TMX2: variants seen among roughly 807,000 people sequenced by gnomAD.
TMX2 encodes the protein thioredoxin related transmembrane protein 2.
In TMX2, 20 loss-of-function variants were observed where a neutral mutation model predicts 33.4. The ratio of observed to expected loss-of-function variants is 0.60; its 90% CI spans 0.42 to 0.87. The LOEUF (loss-of-function observed/expected upper bound fraction) is 0.87, where lower values mean the gene tolerates loss of function less well. TMX2 is among the 40% of genes least tolerant of loss of function. The probability of loss-of-function intolerance (pLI) is 0.00; values close to 1 mark genes in which losing one functional copy is unlikely to be tolerated. For missense variants in TMX2, 340 were observed against 370.7 expected (o/e 0.92, Z 0.68); for synonymous variants, 166 against 140.7 (o/e 1.18, Z -1.27).
intron 1 of TMX2, among the ~76,000 whole-genome samples, chr11:57,719,889 G>A (rs1250506858): frequency 6.6e-6 from 1 of 151,976 alleles, no homozygotes; most frequent in East Asian, 1.9e-4. Flanking sequence ...TCCAAAACTG[G>A]TTGTTCCATG....
Position 57,739,059 on chromosome 11 carries a change from G to A in TMX2, c.614+20G>A. 1 of 1,614,202 alleles carries A rather than the reference G, an allele frequency of 6.2e-7. No individual in the cohort carries two copies. The highest frequency in any genetic ancestry group is 8.5e-7 in the Non-Finnish European group (1 of 1,180,046). On this transcript the variant is annotated intron_variant, in intron 6 of 7. Coordinates refer to ENST00000278422, the MANE Select transcript of TMX2 (RefSeq NM_015959.4). ...TACGCGGTATGTAAAGACCTGGGCA[G>A]AGGGTCTGAGCAGGGAAATCACTTT... is the stretch of plus-strand genomic sequence containing the variant.
At chr11:57,737,159 C>T (rs1305141073) in intron 1 of TMX2, among the ~76,000 whole-genome samples, 1 of 152,174 alleles carries the variant, frequency 6.6e-6, no homozygotes, top group Non-Finnish European at 1.5e-5. Flanking sequence ...GCAGGCCTGG[C>T]GCGGTGGCTC....
At chr11:57,721,522 G>A (rs959802663) in intron 1 of TMX2, among the ~76,000 whole-genome samples, 2 of 151,824 alleles carry the variant, frequency 1.3e-5, no homozygotes, top group African/African-American at 2.4e-5. Context: ...TTCCATGTTG[G>A]TCAGGCTGTT....
At chr11:57,718,158 T>G in intron 1 of TMX2, 1 of 1,226,134 alleles carries the variant, frequency 8.2e-7, no homozygotes, top group African/African-American at 1.5e-5. Flanking sequence ...AAAGACCACA[T>G]GCTTGCCATC....
rs112160188 is a variant in TMX2 at position 57,713,555 on chromosome 11, T to C, written c.189+748T>C. Reference sequence around the variant, plus strand: ...ACTTAAAGCACTTTCCCTTCTGCCATATAGCATGTAGGGGCCAAGGAAAAG... The same window carrying C: ...ACTTAAAGCACTTTCCCTTCTGCCACATAGCATGTAGGGGCCAAGGAAAAG... On this transcript the variant is annotated intron_variant, in intron 1 of 7. Transcript: ENST00000278422. Among the ~76,000 whole-genome samples, 403 of 152,310 alleles carry C rather than the reference T, an allele frequency of 2.6e-3. 3 individuals carry two copies. The highest frequency in any genetic ancestry group is 8.9e-3 in the African/African-American group (368 of 41,570).
intron 7 of TMX2, 72 bp from the exon 8 acceptor site, chr11:57,740,027 T>C (rs533321169): frequency 2.5e-6 from 4 of 1,602,674 alleles, no homozygotes; most frequent in African/African-American, 1.3e-5. Context: ...TTGTGTAAAA[T>C]ACCTCTTACT....
chr11:57,725,237 G>A (rs1330553632), intron 1 of TMX2, among the ~76,000 whole-genome samples: 1 of 152,032 alleles, frequency 6.6e-6, no homozygotes, highest in Non-Finnish European at 1.5e-5. Flanking sequence ...TGCAGATTAA[G>A]CCATTATTTA....
intron 1 of TMX2, among the ~76,000 whole-genome samples, chr11:57,734,902 G>A (rs999979953): frequency 2.6e-5 from 4 of 151,776 alleles, no homozygotes; most frequent in Non-Finnish European, 5.9e-5. Context: ...TTGGGAGGCC[G>A]AGGCGGGCAG....
rs879321338 is a variant in TMX2 at position 57,716,927 on chromosome 11, G to A, written c.189+4120G>A. On this transcript the variant is annotated intron_variant, in intron 1 of 7. Coordinates refer to ENST00000278422, the MANE Select transcript of TMX2 (RefSeq NM_015959.4). ...CAGACGGGGTTGGTGCCGGGCAGAG[G>A]GGCTCCTCACTTCTCAGATGGGGCG... 1.6e-3 allele frequency among the ~76,000 whole-genome samples: 249 copies of A among 151,328 alleles called. 1 individual carries two copies. The highest frequency in any genetic ancestry group is 2.8e-3 in the Non-Finnish European group (191 of 67,768).
At chr11:57,722,455 T>C (rs1947699673) in intron 1 of TMX2, among the ~76,000 whole-genome samples, 1 of 152,260 alleles carries the variant, frequency 6.6e-6, no homozygotes, top group Non-Finnish European at 1.5e-5. Flanking sequence ...CCTGTAACTT[T>C]TACTAATTAT....
At chr11:57,730,988 C>CAAA (rs145771682) in intron 1 of TMX2, among the ~76,000 whole-genome samples, 4 of 151,132 alleles carry the variant, frequency 2.6e-5, no homozygotes, top group Non-Finnish European at 5.9e-5. Flanking sequence ...TAACACAAAA[C>CAAA]TTAGTTAAAA....
intron 1 of TMX2, among the ~76,000 whole-genome samples, chr11:57,729,824 C>T (rs534522609): frequency 5.7e-4 from 86 of 150,030 alleles, no homozygotes; most frequent in African/African-American, 2.1e-3. Context: ...TATATAAAAG[C>T]GGGTAGGGCG....
At chr11:57,738,587 G>A in intron 4 of TMX2, 77 bp from the exon 5 acceptor site, 1 of 1,342,214 alleles carries the variant, frequency 7.5e-7, no homozygotes, top group Admixed American at 1.7e-5. Context: ...ACCAGGATGA[G>A]GAATTAGATG....
chr11:57,716,338 G>A (rs1328108519), intron 1 of TMX2, among the ~76,000 whole-genome samples: 5 of 128,652 alleles, frequency 3.9e-5, no homozygotes, highest in South Asian at 2.5e-4. Flanking sequence ...CTGGCCGGGC[G>A]GGGGGCTGAC....
intron 1 of TMX2, among the ~76,000 whole-genome samples, chr11:57,731,962 G>T (rs954853587): frequency 1.2e-4 from 18 of 152,216 alleles, no homozygotes; most frequent in Middle Eastern, 3.4e-3. Context: ...ATTTTGGGGA[G>T]AAAAAGAATC....
At chr11:57,715,586 C>CTTTTTTTTTTTTTT (rs367827761) in intron 1 of TMX2, among the ~76,000 whole-genome samples, 110 of 130,066 alleles carry the variant, frequency 8.5e-4, no homozygotes, top group East Asian at 3.9e-3. Flanking sequence ...AATTTGTTTT[C>CTTTTTTTTTTTTTT]TTTTTTTTTT....
chr11:57,730,353 G>C (rs1948286559), intron 1 of TMX2, among the ~76,000 whole-genome samples: 1 of 145,960 alleles, frequency 6.9e-6, no homozygotes, highest in Non-Finnish European at 1.5e-5. Flanking sequence ...CTTGAACCTG[G>C]GAGGTGGAGG....
chr11:57,734,621 G>T (rs944052933), intron 1 of TMX2, among the ~76,000 whole-genome samples: 1 of 151,632 alleles, frequency 6.6e-6, no homozygotes, highest in African/African-American at 2.4e-5. Context: ...GGGGGCAGGT[G>T]CCTGTAATCC....
At chr11:57,714,045 G>A (rs1056258251) in intron 1 of TMX2, among the ~76,000 whole-genome samples, 2 of 152,214 alleles carry the variant, frequency 1.3e-5, no homozygotes, top group Non-Finnish European at 2.9e-5. Context: ...AGTATCTGCT[G>A]GTTTCCAGGG....
Sources: gnomAD v4.1 joint callset for allele counts (sites outside exome capture counted in the v4.1 genomes callset) on GRCh38, gnomAD v4.1.1 for gene constraint, MANE v1.5 for transcripts, NCBI Gene and HGNC (gene_info 2026-07-23, HGNC 2026-07-21) for gene names.